Variants in MYO10 observed in about 807,000 individuals in gnomAD.
MYO10 encodes the protein myosin X.
MYO10 carries 133 observed loss-of-function variants against 257.3 expected under a neutral mutation model. That is an observed-to-expected ratio of 0.52 (90% CI 0.45 to 0.60). MYO10 has a LOEUF of 0.60. Among genes scored for constraint, MYO10 ranks in the 20% least tolerant of loss-of-function variants. The pLI, the probability that MYO10 is intolerant of heterozygous loss-of-function variation, is 0.00. For synonymous variants in MYO10, 1,104 were observed against 1,028.6 expected, an observed-to-expected ratio of 1.07 and a Z score of -1.40; for missense variants, 2,399 against 2,635.7, an observed-to-expected ratio of 0.91 and a Z score of 1.97.
intron 19 of MYO10, among the ~76,000 whole-genome samples, chr5:16,740,608 C>G (rs1315861946): frequency 6.6e-6 from 1 of 152,124 alleles, no homozygotes; most frequent in Non-Finnish European, 1.5e-5. Flanking sequence ...AATTGCACCA[C>G]CTTCCCGTAC....
chr5:16,760,656 TAG>T (rs558136807), intron 17 of MYO10, among the ~76,000 whole-genome samples: 2 of 152,268 alleles, frequency 1.3e-5, no homozygotes, highest in East Asian at 3.9e-4. Flanking sequence ...TTTTACTAAC[TAG>T]AGACACAGGA....
At chr5:16,753,466 C>G (rs538543667) in intron 19 of MYO10, among the ~76,000 whole-genome samples, 1 of 83,166 alleles carries the variant, frequency 1.2e-5, no homozygotes, top group Non-Finnish European at 2.3e-5. Context: ...CGTGCCCGGC[C>G]TTTTTTTTTT....
At chr5:16,673,401 T>A (rs1404372198) in intron 36 of MYO10, among the ~76,000 whole-genome samples, 1 of 152,200 alleles carries the variant, frequency 6.6e-6, no homozygotes, top group Non-Finnish European at 1.5e-5. Context: ...TGGCTGGACC[T>A]GAGCCAGGTC....
intron 19 of MYO10, among the ~76,000 whole-genome samples, chr5:16,728,247 G>A (rs1739449728): frequency 1.3e-5 from 2 of 152,176 alleles, no homozygotes; most frequent in South Asian, 4.2e-4. Flanking sequence ...ACACGGCCAG[G>A]GTCGCTTGTC....
At chr5:16,713,310 A>G (rs994279993) in intron 19 of MYO10, 2 of 985,660 alleles carry the variant, frequency 2.0e-6, no homozygotes, top group African/African-American at 3.5e-5. Context: ...TCCCCATCCA[A>G]AAAGTTCAGC....
At chr5:16,751,770 G>A (rs1222187947) in intron 19 of MYO10, among the ~76,000 whole-genome samples, 1 of 151,178 alleles carries the variant, frequency 6.6e-6, no homozygotes, top group Non-Finnish European at 1.5e-5. Context: ...CGCCCCCACC[G>A]CTCCCAGCCT....
intron 9 of MYO10, among the ~76,000 whole-genome samples, chr5:16,772,900 T>A (rs552776639): frequency 6.6e-6 from 1 of 152,250 alleles, no homozygotes; most frequent in South Asian, 2.1e-4. Flanking sequence ...ATCAGTAGTT[T>A]CCTAGGGCCA....
Position 16,916,065 on chromosome 5 carries a change from G to A in MYO10, c.21+19723C>T, listed in dbSNP as rs538477442. 14 of 455,978 alleles carry A rather than the reference G, an allele frequency of 3.1e-5. No homozygotes were observed. In the East Asian group the frequency reaches 7.7e-4, roughly 25 times the overall value. The allele number at this position is 455,978 out of a possible 1,614,324, so 28.2% of individuals were successfully genotyped here. A position where few individuals can be genotyped will look rare whatever the true frequency, so the allele number is the denominator to read the frequency against. ...AAGCATGTCGCTTACCAGTTGAATC[G>A]CTTGGTCCCGAGTGTTAAGCCTCAG... On this transcript the variant is annotated intron_variant, in intron 1 of 40. Transcript: ENST00000513610.
intron 1 of MYO10, among the ~76,000 whole-genome samples, chr5:16,914,811 A>C (rs1389253454): frequency 2.6e-5 from 4 of 152,228 alleles, no homozygotes; most frequent in Admixed American, 2.6e-4. Flanking sequence ...ATCAACTTGT[A>C]AGAGAAGAAA....
chr5:16,683,770 C>A, intron 30 of MYO10, 110 bp downstream of exon 30: 1 of 1,080,612 alleles, frequency 9.3e-7, no homozygotes, highest in Non-Finnish European at 1.4e-6. Flanking sequence ...AACACACAGC[C>A]TTGCGTGATT....
chr5:16,928,639 A>G (rs1007679841), intron 1 of MYO10, among the ~76,000 whole-genome samples: 1 of 151,940 alleles, frequency 6.6e-6, no homozygotes, highest in Non-Finnish European at 1.5e-5. Flanking sequence ...AGGTCTGGAA[A>G]TCGAGACCAT....
At chr5:16,852,236 A>T (rs1480013889) in intron 2 of MYO10, among the ~76,000 whole-genome samples, 1 of 51,096 alleles carries the variant, frequency 2.0e-5, no homozygotes, top group Non-Finnish European at 3.2e-5. Context: ...AGTACAGGCT[A>T]AAAAAAAAAA....
chr5:16,792,110 TACACAC>T (rs138106656), intron 4 of MYO10, among the ~76,000 whole-genome samples: 12,177 of 138,900 alleles, frequency 0.088, 605 homozygotes, highest in South Asian at 0.25. Flanking sequence ...CACACATACA[TACACAC>T]ACACACACAC....
intron 1 of MYO10, among the ~76,000 whole-genome samples, chr5:16,912,090 G>A (rs540851605): frequency 7.3e-5 from 11 of 151,428 alleles, no homozygotes; most frequent in Admixed American, 2.6e-4. Flanking sequence ...CTCATCAGTC[G>A]TCTTATTGTT....
chr5:16,874,053 G>A (rs537041149), intron 2 of MYO10, among the ~76,000 whole-genome samples: 7 of 152,192 alleles, frequency 4.6e-5, no homozygotes, highest in South Asian at 2.1e-4. Flanking sequence ...TGGGATTTTC[G>A]ACTGGGCATG....
rs962099076 is a variant in MYO10 at position 16,891,413 on chromosome 5, G to C, written c.22-13706C>G. Among the ~76,000 whole-genome samples the C allele has an allele frequency of 7.2e-5, 11 of 151,924 alleles. No individual in the cohort carries two copies. In the East Asian group the frequency reaches 2.1e-3, roughly 30 times the overall value. ...GAGGAAGGAGGAAGGAGGGGCAGGC[G>C]GAGGGGAGAGGAGAAAAGAAAGCTC... On this transcript the variant is annotated intron_variant, in intron 1 of 40. Coordinates refer to ENST00000513610, the MANE Select transcript of MYO10 (RefSeq NM_012334.3).
Position 16,670,887 on chromosome 5 carries a change from T to C in MYO10, c.5522A>G (p.Asp1841Gly), listed in dbSNP as rs1285325276. Reference sequence around the variant, plus strand: ...TGGGATGGCAGCGTGCAGAGTATAATCCCCCTGCAGATACTGGAGTCGCAG... The same window carrying C: ...TGGGATGGCAGCGTGCAGAGTATAACCCCCCTGCAGATACTGGAGTCGCAG... ...AALRLQYLQGDYTLHAAIPPL... is the reference protein window; with the variant it reads ...AALRLQYLQGGYTLHAAIPPL... Residue 1841 changes from aspartate (D) to glycine (G), a missense_variant, in exon 39 of 41, where the codon GAT (aspartate) becomes GGT (glycine). This residue lies in a region of MYO10 where 1,820 missense variants were observed against 1,939.4 expected (regional missense o/e 0.94). Coordinates refer to ENST00000513610, the MANE Select transcript of MYO10 (RefSeq NM_012334.3). 14 of 1,613,784 alleles carry C rather than the reference T, an allele frequency of 8.7e-6. No individual in the cohort carries two copies. Among genetic ancestry groups the C allele is most frequent in the Non-Finnish European group, 1.2e-5 (14 of 1,179,824 alleles).
chr5:16,697,140 A>G (rs1343250095), intron 26 of MYO10, among the ~76,000 whole-genome samples: 1 of 152,038 alleles, frequency 6.6e-6, no homozygotes, highest in Admixed American at 6.6e-5. Flanking sequence ...TCTCCCCTAA[A>G]CCAAACCTTC....
intron 19 of MYO10, chr5:16,713,497 C>A (rs1738713010): frequency 1.0e-6 from 1 of 985,618 alleles, no homozygotes; most frequent in Admixed American, 6.2e-5. Context: ...ATGACAACCC[C>A]TTCCATTCTC....
Sources: allele counts gnomAD v4.1 joint callset (sites outside exome capture counted in the v4.1 genomes callset), GRCh38; gene constraint gnomAD v4.1.1; regional missense constraint gnomAD v4.1.1; transcripts MANE v1.5; gene names NCBI Gene and HGNC (gene_info 2026-07-23, HGNC 2026-07-21).